The following CYP4X1 variants were observed in gnomAD, a reference collection of about 807,000 sequenced individuals.
CYP4X1 encodes cytochrome P450 4X1.
CYP4X1 carries 44 observed loss-of-function variants against 57.9 expected under a neutral mutation model. The ratio of observed to expected loss-of-function variants is 0.76; its 90% CI spans 0.60 to 0.98. The LOEUF (loss-of-function observed/expected upper bound fraction) is 0.98. Ranked by LOEUF, CYP4X1 falls within the 50% of genes least tolerant of loss-of-function variation. The probability of loss-of-function intolerance (pLI) is 0.00; values close to 1 mark genes in which losing one functional copy is unlikely to be tolerated. For missense variants in CYP4X1, 532 were observed against 623.9 expected (o/e 0.85, Z 1.57); for synonymous variants, 227 against 228.6 (o/e 0.99, Z 0.06).
downstream of CYP4X1, among the ~76,000 whole-genome samples, chr1:47,052,734 A>G (rs1644367334): frequency 6.6e-6 from 1 of 152,178 alleles, no homozygotes; most frequent in Non-Finnish European, 1.5e-5. Flanking sequence ...TGCCCTAGAA[A>G]TCTTCTTTGG....
chr1:47,001,780 G>A, the CYP4X1 span, among the ~76,000 whole-genome samples: 1,353 of 152,224 alleles, frequency 8.9e-3, 20 homozygotes, highest in African/African-American at 0.03. Flanking sequence ...ACCCTCCCAC[G>A]CTCTTCATCA....
chr1:47,040,018 T>A (rs1348613325), intron 8 of CYP4X1, among the ~76,000 whole-genome samples: 2 of 87,880 alleles, frequency 2.3e-5, no homozygotes, highest in Non-Finnish European at 5.1e-5. Context: ...TATACTATAG[T>A]TAAGTTTAGC....
At chr1:47,012,921 C>G in the CYP4X1 span, among the ~76,000 whole-genome samples, 3 of 152,228 alleles carry the variant, frequency 2.0e-5, no homozygotes, top group Non-Finnish European at 4.4e-5. Context: ...AAGTCCTTTA[C>G]TTAGTCTTCC....
chr1:47,052,648 T>G (rs1644366863), downstream of CYP4X1, among the ~76,000 whole-genome samples: 1 of 152,208 alleles, frequency 6.6e-6, no homozygotes. Context: ...ATTGAAGATA[T>G]CTCACATACC....
chr1:47,023,894 T>G lies in CYP4X1; in HGVS notation c.77T>G (p.Leu26Arg). The G allele has an allele frequency of 6.2e-7, 1 of 1,613,742 alleles. No individual in the cohort carries two copies. The highest frequency in any genetic ancestry group is 8.5e-7 in the Non-Finnish European group (1 of 1,180,000). The change falls in exon 1 of 12, where the codon CTG becomes CGG. Residue 26 changes from leucine to arginine, a missense_variant. Transcript: ENST00000371901. ...LAFVFCLALGLLQAIKLYLRR... is the reference protein window; with the variant it reads ...LAFVFCLALGRLQAIKLYLRR... ...TTCGTGTTCTGCCTGGCCCTGGGGC[T>G]GCTGCAGGCCATTAAGCTGTACCTG...
chr1:47,010,652 C>T, the CYP4X1 span, among the ~76,000 whole-genome samples: 1 of 152,064 alleles, frequency 6.6e-6, no homozygotes, highest in African/African-American at 2.4e-5. Context: ...GATTGTATAT[C>T]TAGAAAACCC....
chr1:47,042,683 C>T (rs1485517135), intron 8 of CYP4X1, among the ~76,000 whole-genome samples: 2 of 152,264 alleles, frequency 1.3e-5, no homozygotes, highest in East Asian at 3.9e-4. Context: ...AGCTTAGCTC[C>T]CACTTATGAG....
intron 8 of CYP4X1, among the ~76,000 whole-genome samples, chr1:47,040,628 TTTTAA>T (rs1644235298): frequency 6.6e-6 from 1 of 152,134 alleles, no homozygotes; most frequent in Admixed American, 6.5e-5. Context: ...GAGTAATCAT[TTTTAA>T]TTTATTTTTT....
chr1:47,023,451 T>G, upstream of CYP4X1: 1 of 890,466 alleles, frequency 1.1e-6, no homozygotes, highest in Non-Finnish European at 1.4e-6. Flanking sequence ...GCATAGCCAT[T>G]TATAATTTGT....
chr1:46,999,026 T>TTGTGTGTGTGTGTGTGTGTGTG, the CYP4X1 span, among the ~76,000 whole-genome samples: 208 of 143,316 alleles, frequency 1.5e-3, 1 homozygote, highest in African/African-American at 5.3e-3. Context: ...CTTGCTTTCT[T>TTGTGTGTGTGTGTGTGTGTGTG]TGTGTGTGTG....
intron 4 of CYP4X1, 77 bp downstream of exon 4, chr1:47,033,445 G>A: frequency 6.6e-7 from 1 of 1,525,612 alleles, no homozygotes. Flanking sequence ...GTGTTTTGTG[G>A]GCCATGAAAA....
upstream of CYP4X1, chr1:47,023,645 C>T (rs1049877603): frequency 1.4e-6 from 2 of 1,393,812 alleles, no homozygotes; most frequent in African/African-American, 2.9e-5. Flanking sequence ...TGCCTCCTCT[C>T]CCCAGGCCTG....
At chr1:46,999,886 T>C in the CYP4X1 span, among the ~76,000 whole-genome samples, 1 of 151,946 alleles carries the variant, frequency 6.6e-6, no homozygotes, top group Non-Finnish European at 1.5e-5. Context: ...TTGTCTCAGA[T>C]GAGAATTTGG....
chr1:46,986,211 T>A, the CYP4X1 span, among the ~76,000 whole-genome samples: 1 of 151,714 alleles, frequency 6.6e-6, no homozygotes, highest in African/African-American at 2.4e-5. Flanking sequence ...GCAAAAGAAC[T>A]TCATGAAGCA....
chr1:47,047,074 T>C (rs1313858358), intron 9 of CYP4X1, among the ~76,000 whole-genome samples: 4 of 152,186 alleles, frequency 2.6e-5, no homozygotes, highest in East Asian at 3.8e-4. Flanking sequence ...CCCCTTGGAA[T>C]CCAATGTTAA....
the CYP4X1 span, among the ~76,000 whole-genome samples, chr1:47,002,290 AT>A: frequency 6.6e-6 from 1 of 152,224 alleles, no homozygotes; most frequent in East Asian, 1.9e-4. Context: ...ACACTTTTAT[AT>A]TTGAATGAAG....
chr1:47,025,565 A>G (rs1011652815), intron 1 of CYP4X1, among the ~76,000 whole-genome samples: 1 of 152,126 alleles, frequency 6.6e-6, no homozygotes, highest in Non-Finnish European at 1.5e-5. Flanking sequence ...TTATTATGCA[A>G]ATGTTATTTA....
chr1:47,028,284 C>T (rs372251507), intron 1 of CYP4X1, among the ~76,000 whole-genome samples: 2 of 152,176 alleles, frequency 1.3e-5, no homozygotes, highest in Admixed American at 6.5e-5. Context: ...TTTGAATCCT[C>T]ATTAGTGGTT....
At chr1:46,963,307 TG>T in the CYP4X1 span, among the ~76,000 whole-genome samples, 1 of 152,150 alleles carries the variant, frequency 6.6e-6, no homozygotes, top group African/African-American at 2.4e-5. Flanking sequence ...TGATGTTAGC[TG>T]GTTATTTTGC....
Sources: allele counts gnomAD v4.1 joint callset (sites outside exome capture counted in the v4.1 genomes callset), GRCh38; gene constraint gnomAD v4.1.1; transcripts MANE v1.5; gene names NCBI Gene and HGNC (gene_info 2026-07-23, HGNC 2026-07-21).